Variants in COPS3 observed in about 807,000 individuals in gnomAD.
The protein encoded by COPS3 is COP9 signalosome complex subunit 3.
Under a neutral mutation model 58.2 loss-of-function variants are expected in COPS3, and 10 were observed. The observed-to-expected ratio is 0.17, with a 90% CI of 0.11 to 0.29. The LOEUF (loss-of-function observed/expected upper bound fraction) is 0.29, where lower values mean the gene tolerates loss of function less well. Ranked by LOEUF, COPS3 falls within the 10% of genes least tolerant of loss-of-function variation. The pLI is 1.00. For synonymous variants in COPS3, 187 were observed against 181.7 expected, an observed-to-expected ratio of 1.03 and a Z score of -0.24; for missense variants, 333 against 510.1, an observed-to-expected ratio of 0.65 and a Z score of 3.34.
chr17:17,265,978 A>G (rs1231433947), intron 5 of COPS3, among the ~76,000 whole-genome samples: 1 of 152,250 alleles, frequency 6.6e-6, no homozygotes, highest in African/African-American at 2.4e-5. Context: ...ACAGTTATCT[A>G]GCTAATGGAG....
chr17:17,263,520 T>C (rs950844995), intron 6 of COPS3, among the ~76,000 whole-genome samples: 4 of 141,218 alleles, frequency 2.8e-5, no homozygotes, highest in Non-Finnish European at 4.6e-5. Context: ...CTTTTTTTTT[T>C]TTTTTTTTTT....
rs984024039 is a variant in COPS3, at chr17:17,262,239, T to G, written c.622-133A>C. ...CCCATTATTTTTATAACAGCCTTAT[T>G]GAGATAGAATTCATTTTATTTTTAT... is the stretch of plus-strand genomic sequence containing the variant. On this transcript the variant is annotated intron_variant, in intron 6 of 11. Coordinates refer to ENST00000268717, the MANE Select transcript of COPS3 (RefSeq NM_003653.4). The G allele has an allele frequency of 3.9e-5, 32 of 814,334 alleles. No homozygotes were observed. In the African/African-American group the frequency reaches 5.7e-4, roughly 15 times the overall value. 50.4% of individuals were successfully genotyped at this position (814,334 alleles called of 1,614,324 possible).
chr17:17,263,451 G>C (rs1219818073), intron 6 of COPS3, among the ~76,000 whole-genome samples: 1 of 151,342 alleles, frequency 6.6e-6, no homozygotes. Context: ...TGCCTGCCTC[G>C]GCCTCCCAGT....
intron 9 of COPS3, among the ~76,000 whole-genome samples, chr17:17,251,239 C>A (rs1190353445): frequency 6.6e-6 from 1 of 151,806 alleles, no homozygotes; most frequent in Admixed American, 6.6e-5. Context: ...CATGATCTGC[C>A]CGCCTCAGCC....
At chr17:17,259,652 T>G (rs2048049971) in intron 8 of COPS3, among the ~76,000 whole-genome samples, 1 of 152,116 alleles carries the variant, frequency 6.6e-6, no homozygotes, top group Non-Finnish European at 1.5e-5. Flanking sequence ...CCCAGCAGTT[T>G]GGGAGGCCAA....
intron 9 of COPS3, 32 bp downstream of exon 9, chr17:17,254,827 A>AAG (rs1555617241): frequency 4.8e-5 from 69 of 1,424,406 alleles, no homozygotes; most frequent in African/African-American, 3.7e-4. Flanking sequence ...AAAAAAAAAA[A>AAG]AAAAAGAAAA....
intron 9 of COPS3, among the ~76,000 whole-genome samples, chr17:17,249,816 C>T (rs556527031): frequency 5.3e-5 from 8 of 152,084 alleles, no homozygotes; most frequent in Non-Finnish European, 1.0e-4. Flanking sequence ...TTAATAAACA[C>T]GGGGTTTCAC....
At chr17:17,256,705 C>G (rs909343042) in intron 8 of COPS3, among the ~76,000 whole-genome samples, 7 of 152,126 alleles carry the variant, frequency 4.6e-5, no homozygotes, top group African/African-American at 1.7e-4. Flanking sequence ...CCTGTTTCAG[C>G]CTCCTGAGTA....
Position 17,278,878 on chromosome 17 carries a change from C to CT in COPS3, c.55+2253dup, listed in dbSNP as rs1278820637. Among the ~76,000 whole-genome samples, 1,193 of 140,448 alleles carry CT rather than the reference C, an allele frequency of 8.5e-3. 13 individuals are homozygous for CT. Among genetic ancestry groups the CT allele is most frequent in the African/African-American group, 0.02 (758 of 38,588 alleles). The allele number at this position is 140,448 out of a possible 152,430, so 92.1% of individuals were successfully genotyped here. On this transcript the variant is annotated intron_variant, in intron 1 of 11. Coordinates refer to ENST00000268717, the MANE Select transcript of COPS3 (RefSeq NM_003653.4). ...TGTGGCCAATAAAATTCTTTTTTTTCTTTTTTTTTTTTTTGAGACGGAGTC... is the reference window on the plus strand; with the variant it reads ...TGTGGCCAATAAAATTCTTTTTTTTCTTTTTTTTTTTTTTTGAGACGGAGTC...
chr17:17,250,741 C>T (rs998503990), intron 9 of COPS3, among the ~76,000 whole-genome samples: 3 of 152,162 alleles, frequency 2.0e-5, no homozygotes, highest in African/African-American at 7.2e-5. Context: ...GTGATAATAA[C>T]TTGTCCATTT....
rs1339842151 is a variant in COPS3 at position 17,281,113 on chromosome 17, C to T, written c.55+19G>A. On this transcript the variant is annotated intron_variant, in intron 1 of 11. Coordinates refer to ENST00000268717, the MANE Select transcript of COPS3 (RefSeq NM_003653.4). Reference sequence around the variant, plus strand: ...TCCCGGTACCCGCCCATGCCCAGCCCGGCGGCCTAGGGCGTTACCTTGAGC... The same window carrying T: ...TCCCGGTACCCGCCCATGCCCAGCCTGGCGGCCTAGGGCGTTACCTTGAGC... 1.2e-6 allele frequency: 2 copies of T among 1,604,582 alleles called. No individual in the cohort carries two copies. The highest frequency in any genetic ancestry group is 1.7e-6 in the Non-Finnish European group (2 of 1,175,688).
chr17:17,276,066 G>C lies in COPS3; in HGVS notation c.154C>G (p.Gln52Glu), dbSNP rs2048455014. 1 of 1,613,986 alleles carries C rather than the reference G, an allele frequency of 6.2e-7. No individual in the cohort carries two copies. Among genetic ancestry groups the C allele is most frequent in the African/African-American group, 1.3e-5 (1 of 74,916 alleles). Residue 52 changes from glutamine to glutamate, a missense_variant, in exon 2 of 12, where the codon CAA becomes GAA. By Grantham distance (29) the Gln-to-Glu change is conservative (BLOSUM62 2). Transcript: ENST00000268717. ...LDTVLGALDV[Q>E]EHSLGVLAVL... is the part of the protein sequence containing the mutation. ...GCAAGGACGCCCAAGGAGTGTTCTTGTACATCCAGAGCCCCGAGCACAGTG... is the reference window on the plus strand; with the variant it reads ...GCAAGGACGCCCAAGGAGTGTTCTTCTACATCCAGAGCCCCGAGCACAGTG...
In COPS3 at chr17:17,277,463, G is replaced by A. The variant is rs76842544; in HGVS notation, c.56-1299C>T. Among the ~76,000 whole-genome samples the A allele has an allele frequency of 6.7e-3, 1,015 of 152,320 alleles. 38 individuals carry two copies. In the East Asian group the frequency reaches 0.11, roughly 16 times the overall value. ...GACAGGGTCTCATTCTGTCGCTCAG[G>A]CTGCAGTGCAGTGGTGTGATCACAG... On this transcript the variant is annotated intron_variant, in intron 1 of 11. Transcript: ENST00000268717.
At chr17:17,272,011 G>A (rs557843192) in intron 2 of COPS3, among the ~76,000 whole-genome samples, 1 of 151,612 alleles carries the variant, frequency 6.6e-6, no homozygotes, top group Admixed American at 6.6e-5. Flanking sequence ...GCTGGGCATG[G>A]TGGCTCAAGC....
chr17:17,281,049 T>C (rs2048574466), intron 1 of COPS3, 83 bp downstream of exon 1: 1 of 1,465,168 alleles, frequency 6.8e-7, no homozygotes, highest in Non-Finnish European at 9.4e-7. Flanking sequence ...AAAGGGCTGT[T>C]CCAGCCGTCC....
intron 8 of COPS3, among the ~76,000 whole-genome samples, chr17:17,255,653 A>AACAT (rs2047955027): frequency 6.6e-6 from 1 of 151,044 alleles, no homozygotes; most frequent in South Asian, 2.1e-4. Context: ...CAGCCTGGCC[A>AACAT]ACATGATGAA....
intron 1 of COPS3, chr17:17,280,860 C>CTT: frequency 2.6e-6 from 3 of 1,140,502 alleles, no homozygotes; most frequent in Non-Finnish European, 2.4e-6. Context: ...TCAAGCAAAG[C>CTT]GCCCGGTGGA....
intron 2 of COPS3, among the ~76,000 whole-genome samples, chr17:17,273,959 G>T (rs1378173060): frequency 2.6e-5 from 4 of 152,226 alleles, no homozygotes; most frequent in African/African-American, 4.8e-5. Flanking sequence ...CGAGGCTACA[G>T]TGAGCTATGC....
intron 2 of COPS3, among the ~76,000 whole-genome samples, chr17:17,273,894 G>C (rs2048404343): frequency 6.6e-6 from 1 of 152,176 alleles, no homozygotes; most frequent in South Asian, 2.1e-4. Context: ...GCACATGCCT[G>C]TGGTCCCAGC....
Sources: gnomAD v4.1 joint callset for allele counts (sites outside exome capture counted in the v4.1 genomes callset) on GRCh38, gnomAD v4.1.1 for gene constraint, MANE v1.5 for transcripts, NCBI Gene and HGNC (gene_info 2026-07-23, HGNC 2026-07-21) for gene names.